Variants in AGAP1 observed in about 807,000 individuals in gnomAD.
AGAP1 encodes the protein ArfGAP with GTPase domain, ankyrin repeat and PH domain 1.
A neutral mutation model predicts 105.3 loss-of-function variants in AGAP1; 29 were observed. The ratio of observed to expected loss-of-function variants is 0.28; its 90% CI spans 0.21 to 0.38. The LOEUF (loss-of-function observed/expected upper bound fraction) is 0.38. Among genes scored for constraint, AGAP1 ranks in the 10% least tolerant of loss-of-function variants. AGAP1 has a pLI of 1.00. For synonymous variants in AGAP1, 509 were observed against 485.9 expected, an observed-to-expected ratio of 1.05 and a Z score of -0.63; for missense variants, 998 against 1,165.1, an observed-to-expected ratio of 0.86 and a Z score of 2.09.
chr2:235,674,699 T>C (rs1399105359), intron 1 of AGAP1, among the ~76,000 whole-genome samples: 1 of 151,622 alleles, frequency 6.6e-6, no homozygotes, highest in Non-Finnish European at 1.5e-5. Context: ...TAGACTTTTT[T>C]TTTTTTTTTT....
chr2:235,649,276 G>A (rs979314271), intron 1 of AGAP1, among the ~76,000 whole-genome samples: 4 of 152,188 alleles, frequency 2.6e-5, no homozygotes, highest in African/African-American at 9.6e-5. Flanking sequence ...TGCACAGGAA[G>A]CATCTGGAAG....
intron 13 of AGAP1, among the ~76,000 whole-genome samples, chr2:236,023,512 G>A (rs116138006): frequency 0.015 from 2,307 of 152,280 alleles, 28 homozygotes; most frequent in Non-Finnish European, 0.022. Flanking sequence ...GGTAAGCATC[G>A]GTGGTAATGT....
At chr2:235,923,150 G>C (rs920545257) in intron 11 of AGAP1, among the ~76,000 whole-genome samples, 3 of 152,286 alleles carry the variant, frequency 2.0e-5, no homozygotes, top group African/African-American at 7.2e-5. Context: ...CGTCAGTCAT[G>C]TATTTCATGG....
intron 1 of AGAP1, among the ~76,000 whole-genome samples, chr2:235,539,633 C>T (rs1198301963): frequency 1.3e-5 from 2 of 152,108 alleles, no homozygotes; most frequent in Non-Finnish European, 2.9e-5. Flanking sequence ...GCTGCAGTGT[C>T]CTCAGAGATA....
rs1053883213 is a variant in AGAP1, at chr2:235,793,241, T to C, written c.674-4518T>C. Among the ~76,000 whole-genome samples, 6 of 152,152 alleles carry C rather than the reference T, an allele frequency of 3.9e-5. No homozygotes were observed. The highest frequency in any genetic ancestry group is 7.2e-5 in the African/African-American group (3 of 41,446). The stretch of plus-strand genomic sequence containing the variant: ...CAGAGTCGAGCAGCATCCCCGGGCT[T>C]TCCAGAAGGCCTGGCTGGGAATGGG... On this transcript the variant is annotated intron_variant, in intron 6 of 17. Transcript: ENST00000304032. The surrounding 1 kb of genome is among the most constrained non-coding windows in gnomAD (Gnocchi z 5.3).
chr2:235,684,105 G>A (rs1369652340), intron 1 of AGAP1, among the ~76,000 whole-genome samples: 1 of 152,110 alleles, frequency 6.6e-6, no homozygotes, highest in African/African-American at 2.4e-5. Flanking sequence ...GCAGTCGCAC[G>A]ATCTCGGCTC....
chr2:235,703,370 C>T (rs1179693936), intron 1 of AGAP1, among the ~76,000 whole-genome samples: 1 of 152,134 alleles, frequency 6.6e-6, no homozygotes. Flanking sequence ...GCATCCTCCC[C>T]CGGCTGTGGC....
intron 1 of AGAP1, among the ~76,000 whole-genome samples, chr2:235,645,191 C>T (rs767936032): frequency 4.6e-5 from 7 of 152,166 alleles, no homozygotes; most frequent in Non-Finnish European, 8.8e-5. Context: ...CCACTGCACC[C>T]GGCCAAGGTG....
rs1197839095 is a variant in AGAP1 at position 235,744,891 on chromosome 2, A to G, written c.538+52A>G. 6.3e-7 allele frequency: 1 copy of G among 1,597,912 alleles called. No homozygotes were observed. The highest frequency in any genetic ancestry group is 1.3e-5 in the African/African-American group (1 of 74,442). ...TTTGAAAGGGTTCTAACAGTTACAT[A>G]TTTTCAGTATGGAGGAGTTTAAAAA... On this transcript the variant is annotated intron_variant, in intron 5 of 17. Coordinates refer to ENST00000304032, the MANE Select transcript of AGAP1 (RefSeq NM_001037131.3). The surrounding 1 kb of genome is among the most constrained non-coding windows in gnomAD (Gnocchi z 5.2).
intron 6 of AGAP1, among the ~76,000 whole-genome samples, chr2:235,785,082 C>T (rs150183615): frequency 6.6e-6 from 1 of 152,188 alleles, no homozygotes; most frequent in African/African-American, 2.4e-5. Context: ...AGGGAGGAGA[C>T]GAATAATTCT....
chr2:235,545,669 C>G (rs1574818629), intron 1 of AGAP1, among the ~76,000 whole-genome samples: 1 of 152,164 alleles, frequency 6.6e-6, no homozygotes, highest in African/African-American at 2.4e-5. Context: ...GAAATCAACA[C>G]GTATTGCCCC....
In AGAP1 at chr2:235,843,299, T is replaced by G. The variant is rs114120206; in HGVS notation, c.1050+35968T>G. On this transcript the variant is annotated intron_variant, in intron 9 of 17. Transcript: ENST00000304032. This position sits in a 1 kb window ranked among gnomAD's most constrained non-coding sequence, Gnocchi z 5.9. ...GGGTCTCACTGCTTGCTGCCTCCCC[T>G]TTCTCACCCACACAATTCTTTCCTT... Among the ~76,000 whole-genome samples the G allele has an allele frequency of 0.059, 8,986 of 152,158 alleles. 858 individuals carry two copies. The highest frequency in any genetic ancestry group is 0.2 in the African/African-American group (8,341 of 41,488).
At chr2:235,807,459 C>A in intron 9 of AGAP1, 128 bp downstream of exon 9, 2 of 730,050 alleles carry the variant, frequency 2.7e-6, no homozygotes, top group Non-Finnish European at 4.2e-6. Flanking sequence ...AAGTCTCTCA[C>A]TTGACATCAA....
At position 235,659,202 on chromosome 2, in the gene AGAP1, C is replaced by T. The variant is rs925459889; in HGVS notation, c.164-49977C>T. Among the ~76,000 whole-genome samples, 1 of 152,090 alleles carries T rather than the reference C, an allele frequency of 6.6e-6. No individual in the cohort carries two copies. Among genetic ancestry groups the T allele is most frequent in the African/African-American group, 2.4e-5 (1 of 41,404 alleles). Reference sequence around the variant, plus strand: ...AGTGGGTTGTGGACTTCAATCCAGCCCCACCCTTTACAGTGAGATCCAGGG... The same window carrying T: ...AGTGGGTTGTGGACTTCAATCCAGCTCCACCCTTTACAGTGAGATCCAGGG... On this transcript the variant is annotated intron_variant, in intron 1 of 17. Transcript: ENST00000304032. This position sits in a 1 kb window ranked among gnomAD's most constrained non-coding sequence, Gnocchi z 5.0.
intron 1 of AGAP1, among the ~76,000 whole-genome samples, chr2:235,704,144 G>A (rs1950405843): frequency 6.6e-6 from 1 of 152,296 alleles, no homozygotes; most frequent in Non-Finnish European, 1.5e-5. Context: ...GGAGAAGCAG[G>A]GCTCATCTCT....
At chr2:236,081,842 CA>C (rs1032261367) in intron 16 of AGAP1, among the ~76,000 whole-genome samples, 2 of 152,058 alleles carry the variant, frequency 1.3e-5, no homozygotes, top group African/African-American at 4.8e-5. Flanking sequence ...CTAAATAGAA[CA>C]TTTTTCTTCT....
rs540302082 is a variant in AGAP1, at chr2:235,900,453, T to A, written c.1156-8285T>A. On this transcript the variant is annotated intron_variant, in intron 10 of 17. Coordinates refer to ENST00000304032, the MANE Select transcript of AGAP1 (RefSeq NM_001037131.3). This position sits in a 1 kb window ranked among gnomAD's most constrained non-coding sequence, Gnocchi z 5.5. ...CCTAGGCCAGCAGAACGTAATGTTG[T>A]GGGAACAGGAAGCAAAAATTTTGCT... is the stretch of plus-strand genomic sequence containing the variant. 6.6e-6 allele frequency among the ~76,000 whole-genome samples: 1 copy of A among 152,158 alleles called. No individual in the cohort carries two copies. The highest frequency in any genetic ancestry group is 2.4e-5 in the African/African-American group (1 of 41,510).
intron 1 of AGAP1, among the ~76,000 whole-genome samples, chr2:235,545,738 ATTC>A (rs893832332): frequency 7.2e-5 from 11 of 152,158 alleles, no homozygotes; most frequent in African/African-American, 2.7e-4. Flanking sequence ...CTGCAGTGGC[ATTC>A]TTCTTCCAGC....
chr2:236,030,473 C>T (rs1161070603), intron 13 of AGAP1, among the ~76,000 whole-genome samples: 8 of 152,192 alleles, frequency 5.3e-5, no homozygotes, highest in Admixed American at 1.3e-4. Flanking sequence ...TGGGGCCTCC[C>T]GGCTCCTTTC....
Sources: gnomAD v4.1 joint callset for allele counts (sites outside exome capture counted in the v4.1 genomes callset) on GRCh38, gnomAD v4.1.1 for gene constraint, Gnocchi (gnomAD v3.1) non-coding constraint, MANE v1.5 for transcripts, NCBI Gene and HGNC (gene_info 2026-07-23, HGNC 2026-07-21) for gene names.